Variants in L3MBTL3 observed in about 807,000 individuals in gnomAD.
L3MBTL3 encodes lethal(3)malignant brain tumor-like protein 3.
L3MBTL3 carries 27 observed loss-of-function variants against 102.3 expected under a neutral mutation model. The observed-to-expected ratio is 0.26, with a 90% CI of 0.19 to 0.36. The LOEUF (loss-of-function observed/expected upper bound fraction) is 0.36, where lower values mean the gene tolerates loss of function less well. Among genes scored for constraint, L3MBTL3 ranks in the 10% least tolerant of loss-of-function variants. L3MBTL3 has a pLI of 1.00. For missense variants in L3MBTL3, 798 were observed against 955.3 expected, an observed-to-expected ratio of 0.84 and a Z score of 2.17; for synonymous variants, 340 against 320.9, an observed-to-expected ratio of 1.06 and a Z score of -0.64.
chr6:130,051,585 T>C (rs1223578844), intron 6 of L3MBTL3, among the ~76,000 whole-genome samples, 177 bp downstream of exon 6: 1 of 152,204 alleles, frequency 6.6e-6, no homozygotes, highest in Non-Finnish European at 1.5e-5. Flanking sequence ...TGGTGACGTC[T>C]GTCATGCCTG....
chr6:130,055,504 C>T, intron 8 of L3MBTL3, among the ~76,000 whole-genome samples: 1 of 138,314 alleles, frequency 7.2e-6, no homozygotes, highest in Non-Finnish European at 1.6e-5. Flanking sequence ...CCCTCCCTCT[C>T]TCCCTGCCTC....
intron 20 of L3MBTL3, among the ~76,000 whole-genome samples, chr6:130,122,942 T>C (rs1235226281): frequency 6.6e-6 from 1 of 152,208 alleles, no homozygotes; most frequent in Non-Finnish European, 1.5e-5. Flanking sequence ...TTAATAGTAG[T>C]AGTATTGTGG....
At chr6:130,024,505 A>G (rs2114466787) in intron 2 of L3MBTL3, among the ~76,000 whole-genome samples, 2 of 152,280 alleles carry the variant, frequency 1.3e-5, no homozygotes, top group South Asian at 2.1e-4. Flanking sequence ...TCCCTGAGTA[A>G]TTGAGAGTTG....
At chr6:130,088,684 C>T (rs1275111369) in intron 16 of L3MBTL3, among the ~76,000 whole-genome samples, 1 of 152,158 alleles carries the variant, frequency 6.6e-6, no homozygotes, top group African/African-American at 2.4e-5. Context: ...CCCAGCCTGG[C>T]TCCCCAGAGG....
chr6:130,066,513 T>G, intron 11 of L3MBTL3, 25 bp downstream of exon 11: 1 of 1,594,660 alleles, frequency 6.3e-7, no homozygotes, highest in Non-Finnish European at 8.5e-7. Flanking sequence ...TGTTTGATAT[T>G]TTAAATTCAG....
intron 2 of L3MBTL3, among the ~76,000 whole-genome samples, chr6:130,038,098 A>G (rs1044227375): frequency 1.3e-5 from 2 of 152,062 alleles, no homozygotes; most frequent in Non-Finnish European, 2.9e-5. Flanking sequence ...GTCACAAATG[A>G]CAGGATTTCA....
intron 16 of L3MBTL3, among the ~76,000 whole-genome samples, chr6:130,086,539 C>T (rs1413732150): frequency 6.6e-6 from 1 of 152,112 alleles, no homozygotes; most frequent in Non-Finnish European, 1.5e-5. Context: ...AGAAAAGATA[C>T]TTCATTCTCT....
intron 10 of L3MBTL3, among the ~76,000 whole-genome samples, chr6:130,060,600 G>T (rs779690389): frequency 1.3e-4 from 20 of 151,926 alleles, no homozygotes; most frequent in Non-Finnish European, 1.9e-4. Context: ...TGACCACACA[G>T]CTTCAAAGTG....
At chr6:130,086,012 C>T in intron 15 of L3MBTL3, 128 bp from the exon 16 acceptor site, 1 of 650,408 alleles carries the variant, frequency 1.5e-6, no homozygotes, top group South Asian at 1.6e-5. Flanking sequence ...CTCAGCCTTC[C>T]AAAGTGCTGG....
chr6:130,139,857 A>C lies in L3MBTL3; in HGVS notation c.*104A>C. 5.0e-6 allele frequency: 5 copies of C among 996,078 alleles called. No homozygotes were observed. Among genetic ancestry groups the C allele is most frequent in the Non-Finnish European group, 7.5e-6 (5 of 662,346 alleles). 61.7% of individuals were successfully genotyped at this position (996,078 alleles called of 1,614,324 possible). ...CCTAAGTGAGAAGTCTCCAAAACTC[A>C]AAAGAGCAACACTATCGGATTATTT... On this transcript the variant is annotated 3_prime_UTR_variant, in exon 23 of 23. Coordinates refer to ENST00000361794, the MANE Select transcript of L3MBTL3 (RefSeq NM_032438.4).
At chr6:130,067,914 C>T (rs1487840159) in intron 11 of L3MBTL3, among the ~76,000 whole-genome samples, 1 of 152,102 alleles carries the variant, frequency 6.6e-6, no homozygotes, top group African/African-American at 2.4e-5. Flanking sequence ...TGTTTCATTT[C>T]TATTATTTCC....
intron 14 of L3MBTL3, among the ~76,000 whole-genome samples, chr6:130,081,194 T>G (rs1192473319): frequency 1.3e-5 from 2 of 152,266 alleles, no homozygotes; most frequent in African/African-American, 2.4e-5. Flanking sequence ...TGCTTGTTTT[T>G]AAGTTTAGAG....
chr6:130,087,412 A>G (rs996153147), intron 16 of L3MBTL3, among the ~76,000 whole-genome samples: 1 of 152,286 alleles, frequency 6.6e-6, no homozygotes, highest in Non-Finnish European at 1.5e-5. Context: ...TAAAATCTAG[A>G]CAAGTAATCA....
intron 19 of L3MBTL3, among the ~76,000 whole-genome samples, chr6:130,111,209 T>G (rs1326298892): frequency 3.3e-5 from 5 of 152,194 alleles, no homozygotes; most frequent in Non-Finnish European, 7.3e-5. Flanking sequence ...AAAGCTTAGT[T>G]GTCACGCTGG....
At chr6:130,106,271 A>G (rs886120492) in intron 19 of L3MBTL3, among the ~76,000 whole-genome samples, 1 of 152,152 alleles carries the variant, frequency 6.6e-6, no homozygotes, top group Non-Finnish European at 1.5e-5. Flanking sequence ...TTTTGAGTCA[A>G]TGAGGTCTGA....
rs763001136 is a variant in L3MBTL3 at position 130,094,226 on chromosome 6, A to G, written c.1634-39A>G. On this transcript the variant is annotated intron_variant, in intron 17 of 22. Coordinates refer to ENST00000361794, the MANE Select transcript of L3MBTL3 (RefSeq NM_032438.4). ...TTGACTCTTCACAGATTTTTGCTTA[A>G]TATTTTGCCCCTTCTTTCTTTTCTT... The G allele has an allele frequency of 4.0e-6, 6 of 1,505,584 alleles. No individual in the cohort carries two copies. In the South Asian group the frequency reaches 7.0e-5, roughly 18 times the overall value. The allele number at this position is 1,505,584 out of a possible 1,614,324, so 93.3% of individuals were successfully genotyped here.
chr6:130,128,438 C>T (rs535223934), intron 20 of L3MBTL3, among the ~76,000 whole-genome samples: 1 of 152,226 alleles, frequency 6.6e-6, no homozygotes, highest in South Asian at 2.1e-4. Context: ...TACTATTCTA[C>T]CCAGCAGGAA....
intron 22 of L3MBTL3, chr6:130,138,236 G>C (rs944927899): frequency 3.9e-5 from 6 of 152,190 alleles, no homozygotes; most frequent in African/African-American, 1.4e-4. Flanking sequence ...TAGTTTGCTA[G>C]GGCCACCATA....
At chr6:130,078,859 C>A (rs533030312) in intron 14 of L3MBTL3, among the ~76,000 whole-genome samples, 3 of 152,122 alleles carry the variant, frequency 2.0e-5, no homozygotes, top group Non-Finnish European at 2.9e-5. Flanking sequence ...AGGCAGCCAA[C>A]CTGCAGGCGT....
Sources: gnomAD v4.1 joint callset for allele counts (sites outside exome capture counted in the v4.1 genomes callset) on GRCh38, gnomAD v4.1.1 for gene constraint, MANE v1.5 for transcripts, NCBI Gene and HGNC (gene_info 2026-07-23, HGNC 2026-07-21) for gene names.